PIGU: variants seen among roughly 807,000 people sequenced by gnomAD.
The protein encoded by PIGU is phosphatidylinositol glycan anchor biosynthesis class U, also known as GPI-anchor transamidase component PIGU.
Under a neutral mutation model 49.9 loss-of-function variants are expected in PIGU, and 24 were observed. The observed-to-expected ratio is 0.48, with a 90% CI of 0.35 to 0.68. The LOEUF (loss-of-function observed/expected upper bound fraction) is 0.68. Among genes scored for constraint, PIGU ranks in the 30% least tolerant of loss-of-function variants. PIGU has a pLI of 0.01. For missense variants in PIGU, 490 were observed against 532.6 expected (o/e 0.92, Z 0.79); for synonymous variants, 220 against 205.7 (o/e 1.07, Z -0.59).
intron 5 of PIGU, among the ~76,000 whole-genome samples, chr20:34,637,491 A>C (rs1450415946): frequency 6.6e-6 from 1 of 152,214 alleles, no homozygotes; most frequent in Non-Finnish European, 1.5e-5. Context: ...ATGGAGGACT[A>C]TACTGTACAC....
chr20:34,629,018 CTT>C (rs112907819), intron 6 of PIGU, among the ~76,000 whole-genome samples: 54,115 of 140,900 alleles, frequency 0.38, 10,349 homozygotes, highest in Admixed American at 0.54. Flanking sequence ...CCATGTGTAA[CTT>C]TTTTTTTTTT....
At chr20:34,667,603 AT>A (rs1198055134) in intron 1 of PIGU, among the ~76,000 whole-genome samples, 1 of 152,226 alleles carries the variant, frequency 6.6e-6, no homozygotes, top group African/African-American at 2.4e-5. Context: ...AGAGTATAAA[AT>A]ATCCAAATCT....
chr20:34,653,318 G>T (rs929656208), intron 2 of PIGU, among the ~76,000 whole-genome samples: 2 of 152,116 alleles, frequency 1.3e-5, no homozygotes, highest in Non-Finnish European at 2.9e-5. Context: ...TTTTATGTCT[G>T]CTTGTTCTAC....
chr20:34,567,949 G>T (rs2146692545), intron 11 of PIGU, among the ~76,000 whole-genome samples: 1 of 152,190 alleles, frequency 6.6e-6, no homozygotes, highest in Non-Finnish European at 1.5e-5. Context: ...TAACAGCCCA[G>T]CTCTGGGCTC....
chr20:34,676,914 G>A, intron 1 of PIGU, 42 bp downstream of exon 1: 1 of 1,554,462 alleles, frequency 6.4e-7, no homozygotes, highest in South Asian at 1.2e-5. Context: ...GCCGCGGGAG[G>A]GCAGGTGGGG....
At chr20:34,634,861 T>G in intron 5 of PIGU, 146 bp from the exon 6 acceptor site, 3 of 1,370,182 alleles carry the variant, frequency 2.2e-6, no homozygotes, top group Non-Finnish European at 2.9e-6. Context: ...TAAAAGAGAA[T>G]AGAGTGGGGG....
chr20:34,645,985 G>A (rs573930373), intron 2 of PIGU, among the ~76,000 whole-genome samples: 1 of 152,124 alleles, frequency 6.6e-6, no homozygotes, highest in Non-Finnish European at 1.5e-5. Context: ...TATAATAGCC[G>A]AGGGGAATTC....
chr20:34,623,693 T>C lies in PIGU; in HGVS notation c.530-7554A>G, dbSNP rs143139977. ...ATAGGCAGAGCAACTAGTTATTGAG[T>C]GGATTCTGCTAAGGAAGCACGCTAA... On this transcript the variant is annotated intron_variant, in intron 6 of 11. Transcript: ENST00000217446. 4.6e-4 allele frequency among the ~76,000 whole-genome samples: 70 copies of C among 152,242 alleles called. No individual in the cohort carries two copies. In the East Asian group the frequency reaches 0.013, roughly 28 times the overall value.
chr20:34,675,469 A>G (rs189956409), intron 1 of PIGU, among the ~76,000 whole-genome samples: 4 of 152,268 alleles, frequency 2.6e-5, no homozygotes, highest in Non-Finnish European at 5.9e-5. Flanking sequence ...AGCTCTTACA[A>G]TCTCAGACAT....
chr20:34,612,268 A>G (rs1984843523), intron 7 of PIGU, among the ~76,000 whole-genome samples: 1 of 152,152 alleles, frequency 6.6e-6, no homozygotes, highest in Admixed American at 6.5e-5. Context: ...AAAACCAAAC[A>G]TCGCATGTTC....
intron 8 of PIGU, among the ~76,000 whole-genome samples, chr20:34,585,934 C>T (rs1983683445): frequency 6.6e-6 from 1 of 152,116 alleles, no homozygotes; most frequent in South Asian, 2.1e-4. Context: ...AACACAGGAT[C>T]TATTTTGGGC....
At chr20:34,562,294 C>A in intron 11 of PIGU, 1 of 532,336 alleles carries the variant, frequency 1.9e-6, no homozygotes, top group African/African-American at 2.1e-5. Flanking sequence ...ACCTGGAGGC[C>A]TCAGAGGATT....
chr20:34,611,716 GAC>G (rs1984823441), intron 7 of PIGU, among the ~76,000 whole-genome samples: 1 of 138,466 alleles, frequency 7.2e-6, no homozygotes, highest in African/African-American at 2.7e-5. Flanking sequence ...GATATGAACA[GAC>G]ACTTCTCAAA....
At chr20:34,632,896 T>A in intron 6 of PIGU, among the ~76,000 whole-genome samples, 2 of 149,240 alleles carry the variant, frequency 1.3e-5, no homozygotes, top group African/African-American at 4.9e-5. Flanking sequence ...ACCTATAAAC[T>A]ATTTGATGTG....
chr20:34,664,854 G>C (rs565709787), intron 1 of PIGU, among the ~76,000 whole-genome samples: 1 of 152,054 alleles, frequency 6.6e-6, no homozygotes, highest in South Asian at 2.1e-4. Flanking sequence ...GCCAGGCATG[G>C]TGGAGAGTGC....
chr20:34,647,346 C>T (rs1986384969), intron 2 of PIGU, among the ~76,000 whole-genome samples: 1 of 151,120 alleles, frequency 6.6e-6, no homozygotes, highest in Non-Finnish European at 1.5e-5. Flanking sequence ...ACTGTAACCT[C>T]CACCTCCCGG....
chr20:34,598,183 AAC>A (rs1429789744), intron 7 of PIGU, among the ~76,000 whole-genome samples: 2 of 152,192 alleles, frequency 1.3e-5, no homozygotes, highest in South Asian at 2.1e-4. Flanking sequence ...AGGGTAGTGG[AAC>A]ACAGTGTTGC....
At chr20:34,629,529 G>A (rs947270925) in intron 6 of PIGU, among the ~76,000 whole-genome samples, 2 of 152,178 alleles carry the variant, frequency 1.3e-5, no homozygotes, top group African/African-American at 4.8e-5. Context: ...AGCCACTGAC[G>A]TGAAAATGAA....
intron 7 of PIGU, among the ~76,000 whole-genome samples, chr20:34,610,674 T>C (rs778918580): frequency 3.3e-5 from 5 of 152,276 alleles, no homozygotes; most frequent in Admixed American, 6.5e-5. Context: ...CAAGCTACCA[T>C]TGACTTTCTT....
Sources: gnomAD v4.1 joint callset for allele counts (sites outside exome capture counted in the v4.1 genomes callset) on GRCh38, gnomAD v4.1.1 for gene constraint, MANE v1.5 for transcripts, NCBI Gene and HGNC (gene_info 2026-07-23, HGNC 2026-07-21) for gene names.